DPP10: variants seen among roughly 807,000 people sequenced by gnomAD.
DPP10 encodes the protein inactive dipeptidyl peptidase 10.
A neutral mutation model predicts 120.9 loss-of-function variants in DPP10; 33 were observed. The ratio of observed to expected loss-of-function variants is 0.27; its 90% CI spans 0.21 to 0.37. The LOEUF (loss-of-function observed/expected upper bound fraction) is 0.37, where lower values mean the gene tolerates loss of function less well. Among genes scored for constraint, DPP10 ranks in the 10% least tolerant of loss-of-function variants. The pLI is 1.00. For synonymous variants in DPP10, 337 were observed against 326.1 expected, an observed-to-expected ratio of 1.03 and a Z score of -0.36; for missense variants, 816 against 942.8, an observed-to-expected ratio of 0.87 and a Z score of 1.76.
chr2:115,235,791 C>T (rs780902176), intron 1 of DPP10, among the ~76,000 whole-genome samples: 42 of 152,116 alleles, frequency 2.8e-4, no homozygotes, highest in South Asian at 2.1e-4. Context: ...GAACTCCTGG[C>T]CTCTGGTGAT....
intron 2 of DPP10, among the ~76,000 whole-genome samples, chr2:115,338,721 A>T (rs2063292994): frequency 6.6e-6 from 1 of 152,216 alleles, no homozygotes; most frequent in African/African-American, 2.4e-5. Flanking sequence ...TCATCCATAG[A>T]CACAAAACAA....
At chr2:115,645,333 G>T (rs1041523799) in intron 5 of DPP10, among the ~76,000 whole-genome samples, 9 of 152,108 alleles carry the variant, frequency 5.9e-5, no homozygotes, top group African/African-American at 2.2e-4. Context: ...AATTTATTTA[G>T]AAGATTAGAA....
chr2:115,196,245 C>T (rs1255455569), intron 1 of DPP10, among the ~76,000 whole-genome samples: 2 of 152,096 alleles, frequency 1.3e-5, no homozygotes, highest in Non-Finnish European at 2.9e-5. Flanking sequence ...GTTCAACTTA[C>T]GTGTATGTGA....
intron 1 of DPP10, among the ~76,000 whole-genome samples, chr2:115,307,895 A>G (rs1035772105): frequency 1.3e-5 from 2 of 152,096 alleles, no homozygotes; most frequent in African/African-American, 4.8e-5. Flanking sequence ...GTGCAAGAGG[A>G]ATAGAAGTGT....
intron 1 of DPP10, among the ~76,000 whole-genome samples, chr2:115,024,773 A>T (rs1456076060): frequency 6.8e-6 from 1 of 147,918 alleles, no homozygotes; most frequent in East Asian, 1.9e-4. Flanking sequence ...TGTATTTGTT[A>T]TATATATATT....
intron 1 of DPP10, among the ~76,000 whole-genome samples, chr2:115,264,188 C>T (rs1209250587): frequency 6.6e-6 from 1 of 152,062 alleles, no homozygotes; most frequent in Non-Finnish European, 1.5e-5. Context: ...ATCTGAGTTA[C>T]AAATCAATTT....
At chr2:115,368,135 T>G (rs938187642) in intron 3 of DPP10, among the ~76,000 whole-genome samples, 2 of 152,180 alleles carry the variant, frequency 1.3e-5, no homozygotes, top group African/African-American at 4.8e-5. Flanking sequence ...TTTCCATTTC[T>G]TCTTGTCCTG....
At chr2:115,683,184 C>A (rs2090768995) in intron 5 of DPP10, among the ~76,000 whole-genome samples, 1 of 151,828 alleles carries the variant, frequency 6.6e-6, no homozygotes, top group Admixed American at 6.6e-5. Flanking sequence ...ACTATCAAGG[C>A]ATGAAAACAC....
At chr2:114,742,987 T>A (rs940842466) in intron 1 of DPP10, among the ~76,000 whole-genome samples, 1 of 152,112 alleles carries the variant, frequency 6.6e-6, no homozygotes. Flanking sequence ...AAGAAAAAAA[T>A]TTTAGTAACA....
chr2:115,175,125 A>G (rs982818335), intron 1 of DPP10, among the ~76,000 whole-genome samples: 2 of 152,156 alleles, frequency 1.3e-5, no homozygotes, highest in African/African-American at 4.8e-5. Context: ...GAGATTAACT[A>G]CCAACATGGT....
At chr2:114,675,797 A>G (rs896602248) in intron 1 of DPP10, among the ~76,000 whole-genome samples, 1 of 140,594 alleles carries the variant, frequency 7.1e-6, no homozygotes, top group Non-Finnish European at 1.5e-5. Context: ...TGCATCTCCC[A>G]TCTTTAATAA....
chr2:115,386,466 A>G (rs562948771), intron 3 of DPP10, among the ~76,000 whole-genome samples: 1 of 151,522 alleles, frequency 6.6e-6, no homozygotes, highest in African/African-American at 2.4e-5. Context: ...TAGCAAAACA[A>G]TCATTGTTGT....
Position 114,643,816 on chromosome 2 carries a change from G to A in DPP10, c.60+200978G>A, listed in dbSNP as rs150315583. On this transcript the variant is annotated intron_variant, in intron 1 of 25. Coordinates refer to ENST00000410059, the MANE Select transcript of DPP10 (RefSeq NM_020868.6). ...CCTTTCTTTTCACCACCTTGGTTTG[G>A]TTTACAAGAACCAAAGCTAGTTTCT... Among the ~76,000 whole-genome samples, 158 of 150,568 alleles carry A rather than the reference G, an allele frequency of 1.0e-3. 2 individuals are homozygous for A. In the East Asian group the frequency reaches 0.019, roughly 18 times the overall value.
At chr2:114,960,754 T>C (rs1698552520) in intron 1 of DPP10, among the ~76,000 whole-genome samples, 1 of 152,140 alleles carries the variant, frequency 6.6e-6, no homozygotes, top group Admixed American at 6.5e-5. Context: ...TGGACATTCA[T>C]TGTAATAAGA....
intron 2 of DPP10, among the ~76,000 whole-genome samples, chr2:115,336,767 T>C (rs901189023): frequency 2.6e-5 from 4 of 151,988 alleles, no homozygotes; most frequent in African/African-American, 9.7e-5. Context: ...TTTCTTTCTC[T>C]AAAGATTAAT....
intron 1 of DPP10, among the ~76,000 whole-genome samples, chr2:114,843,733 G>T (rs953830329): frequency 6.6e-6 from 1 of 151,932 alleles, no homozygotes. Context: ...TTCTGGTCCC[G>T]TCAATCCCTT....
intron 1 of DPP10, among the ~76,000 whole-genome samples, chr2:115,257,910 G>T (rs1443587730): frequency 3.3e-5 from 5 of 152,100 alleles, no homozygotes; most frequent in South Asian, 2.1e-4. Context: ...CCTAGAAGGG[G>T]TTTTTTTGTT....
At chr2:115,431,949 T>C (rs2071029732) in intron 3 of DPP10, among the ~76,000 whole-genome samples, 1 of 152,126 alleles carries the variant, frequency 6.6e-6, no homozygotes, top group African/African-American at 2.4e-5. Context: ...GAATTATTGA[T>C]AATAAGGCAA....
chr2:114,615,508 A>C lies in DPP10; in HGVS notation c.60+172670A>C, dbSNP rs189344817. On this transcript the variant is annotated intron_variant, in intron 1 of 25. Transcript: ENST00000410059. ...TGCTTAGCAGAGTCCTCAACTCATCACTAATAGTCAAAGTATTCAGTGGCA... is the reference window on the plus strand; with the variant it reads ...TGCTTAGCAGAGTCCTCAACTCATCCCTAATAGTCAAAGTATTCAGTGGCA... 9.2e-5 allele frequency among the ~76,000 whole-genome samples: 14 copies of C among 152,242 alleles called. No individual in the cohort carries two copies. The East Asian group carries it at 2.5e-3, about 27-fold the overall frequency.
Sources: gnomAD v4.1 joint callset for allele counts (sites outside exome capture counted in the v4.1 genomes callset) on GRCh38, gnomAD v4.1.1 for gene constraint, MANE v1.5 for transcripts, NCBI Gene and HGNC (gene_info 2026-07-23, HGNC 2026-07-21) for gene names.